BDP1: variants seen among roughly 807,000 people sequenced by gnomAD.
BDP1 encodes transcription factor TFIIIB component B'' homolog.
BDP1 carries 169 observed loss-of-function variants against 266.6 expected under a neutral mutation model. The ratio of observed to expected loss-of-function variants is 0.63; its 90% CI spans 0.56 to 0.72. The LOEUF is 0.72. Among genes scored for constraint, BDP1 ranks in the 30% least tolerant of loss-of-function variants. The probability of loss-of-function intolerance (pLI) is 0.00; values close to 1 mark genes in which losing one functional copy is unlikely to be tolerated. For missense variants in BDP1, 3,015 were observed against 3,053.8 expected, an observed-to-expected ratio of 0.99 and a Z score of 0.30; for synonymous variants, 1,090 against 1,022.4, an observed-to-expected ratio of 1.07 and a Z score of -1.26.
intron 16 of BDP1, among the ~76,000 whole-genome samples, chr5:71,508,902 T>C (rs539796994): frequency 5.3e-5 from 8 of 152,352 alleles, no homozygotes; most frequent in South Asian, 2.1e-4. Flanking sequence ...TCTTTACTTA[T>C]GTTATGAAAT....
chr5:71,548,822 C>A, intron 33 of BDP1, 77 bp downstream of exon 33: 1 of 1,051,258 alleles, frequency 9.5e-7, no homozygotes, highest in Non-Finnish European at 1.4e-6. Flanking sequence ...TATGGAAAAA[C>A]ATAAAACAGT....
intron 25 of BDP1, among the ~76,000 whole-genome samples, chr5:71,524,951 G>T (rs866881878): frequency 1.3e-5 from 2 of 151,344 alleles, no homozygotes; most frequent in Non-Finnish European, 2.9e-5. Flanking sequence ...AGGGTTGGGG[G>T]TAAGGTCACA....
At chr5:71,512,169 CTT>C (rs1764957482) in intron 17 of BDP1, 70 bp from the exon 18 acceptor site, 2 of 741,844 alleles carry the variant, frequency 2.7e-6, no homozygotes, top group Non-Finnish European at 4.0e-6. Flanking sequence ...ATTTAGTAGA[CTT>C]TTGTTTTAAA....
rs768443760 is a variant in BDP1, at chr5:71,511,072, G to A, written c.3980G>A (p.Ser1327Asn). The change falls in exon 17 of 39, where the codon AGT (serine) becomes AAT (asparagine). Residue 1327 changes from serine to asparagine, a missense_variant. By Grantham distance (46) the Ser-to-Asn change is conservative (BLOSUM62 1). Coordinates refer to ENST00000358731, the MANE Select transcript of BDP1 (RefSeq NM_018429.3). ...SPRENELEET[S>N]TSRQTDTHLM... The stretch of plus-strand genomic sequence containing the variant: ...AGGGAAAACGAGCTAGAGGAGACCA[G>A]TACCTCAAGACAAACTGACACACAT... 4 of 1,614,156 alleles carry A rather than the reference G, an allele frequency of 2.5e-6. No homozygotes were observed. In the South Asian group the frequency reaches 4.4e-5, roughly 18 times the overall value.
At position 71,455,951 on chromosome 5, in the gene BDP1, C is replaced by A. The variant is rs769001396; in HGVS notation, c.74C>A (p.Ser25Tyr). The change falls in exon 1 of 39, where the codon TCC (serine) becomes TAC (tyrosine). Residue 25 changes from serine to tyrosine, a missense_variant. Physicochemically the swap from Ser to Tyr is moderately radical, Grantham distance 144. Transcript: ENST00000358731. Reference protein sequence around the residue: ...PGVGARGSTASNPQRGRESPR... With the variant: ...PGVGARGSTAYNPQRGRESPR... ...GTAGGCGCCAGGGGCTCCACAGCTT[C>A]CAATCCCCAGCGTGGACGGGAGTCT... 4 of 1,612,892 alleles carry A rather than the reference C, an allele frequency of 2.5e-6. No individual in the cohort carries two copies.
intron 2 of BDP1, among the ~76,000 whole-genome samples, chr5:71,459,160 T>C (rs1292420667): frequency 6.6e-6 from 1 of 152,210 alleles, no homozygotes; most frequent in Non-Finnish European, 1.5e-5. Context: ...AAATAAACCT[T>C]CAGTCTGATT....
chr5:71,528,899 G>C (rs1034933860), intron 25 of BDP1, among the ~76,000 whole-genome samples: 1 of 152,156 alleles, frequency 6.6e-6, no homozygotes, highest in African/African-American at 2.4e-5. Context: ...TTTTCTTTAA[G>C]TGAAGGCAAA....
chr5:71,456,440 G>A (rs1761194476), intron 1 of BDP1, among the ~76,000 whole-genome samples: 1 of 152,218 alleles, frequency 6.6e-6, no homozygotes, highest in African/African-American at 2.4e-5. Context: ...GCAGGGAAGT[G>A]TTTTTGTCTT....
chr5:71,460,121 T>C (rs1761452697), intron 2 of BDP1, among the ~76,000 whole-genome samples: 1 of 152,240 alleles, frequency 6.6e-6, no homozygotes, highest in Non-Finnish European at 1.5e-5. Flanking sequence ...GGCTCACGCC[T>C]GTAATCCCAG....
intron 26 of BDP1, among the ~76,000 whole-genome samples, chr5:71,536,098 GTGGGCATTTTGGTCTTATTCC>G (rs1195220477): frequency 2.0e-5 from 3 of 152,144 alleles, no homozygotes; most frequent in Non-Finnish European, 1.5e-5. Context: ...AGAAGCGAGA[GTGGGCATTTTGGTCTTATTCC>G]TGATCTTAGG....
chr5:71,469,248 C>A (rs772997012), intron 6 of BDP1, among the ~76,000 whole-genome samples: 1 of 151,786 alleles, frequency 6.6e-6, no homozygotes, highest in Non-Finnish European at 1.5e-5. Flanking sequence ...AGGTGATTCT[C>A]CTTCCTCAGT....
At position 71,516,066 on chromosome 5, in the gene BDP1, A is replaced by G. The variant is rs1219073011; in HGVS notation, c.4655A>G (p.Asn1552Ser). 1.2e-6 allele frequency: 2 copies of G among 1,602,010 alleles called. No homozygotes were observed. Among genetic ancestry groups the G allele is most frequent in the Non-Finnish European group, 1.7e-6 (2 of 1,173,666 alleles). ...KNDSVVSVGTNNVNTFQQEMK... is the reference protein window; with the variant it reads ...KNDSVVSVGTSNVNTFQQEMK... ...CTCCCTGTCCCCTTGTTTAGGACTA[A>G]TAATGTAAACACTTTCCAGCAAGAA... Residue 1552 changes from asparagine (N) to serine (S), a missense_variant, in exon 21 of 39, where the codon AAT (asparagine) becomes AGT (serine). Asn to Ser is a conservative substitution (Grantham distance 46, BLOSUM62 1). This residue lies in a region of BDP1 where 2,383 missense variants were observed against 2,404.9 expected (regional missense o/e 0.99). Transcript: ENST00000358731.
chr5:71,543,464 G>T (rs1166257258), intron 30 of BDP1, among the ~76,000 whole-genome samples: 1 of 152,060 alleles, frequency 6.6e-6, no homozygotes, highest in Non-Finnish European at 1.5e-5. Flanking sequence ...GCCAGACGTG[G>T]TGGCACACAC....
intron 17 of BDP1, 97 bp from the exon 18 acceptor site, chr5:71,512,144 A>T: frequency 1.7e-6 from 1 of 583,274 alleles, no homozygotes; most frequent in Non-Finnish European, 2.7e-6. Flanking sequence ...AAAGTTTTAA[A>T]GGAAAGTGTT....
Position 71,470,404 on chromosome 5 carries a change from TG to T in BDP1, c.930del (p.Met310IlefsTer4), listed in dbSNP as rs567681041. 52 of 1,599,130 alleles carry T rather than the reference TG, an allele frequency of 3.3e-5. No individual in the cohort carries two copies. Among genetic ancestry groups the T allele is most frequent in the East Asian group, 4.5e-5 (2 of 44,792 alleles). ...SKPWSNKETD[M>X]FFLAISMVGT... ...TCTTTTATTTTCACAGAAACAGATA[TG>T]TTTTTTTTAGCCATCAGCATGGTAG... On this transcript the variant is annotated frameshift_variant, in exon 7 of 39. Coordinates refer to ENST00000358731, the MANE Select transcript of BDP1 (RefSeq NM_018429.3). LOFTEE classifies it high-confidence loss of function.
At chr5:71,543,102 C>CA (rs1767071307) in intron 30 of BDP1, among the ~76,000 whole-genome samples, 1 of 151,982 alleles carries the variant, frequency 6.6e-6, no homozygotes, top group Non-Finnish European at 1.5e-5. Context: ...GGCCACAAGG[C>CA]AAAATCCCAT....
intron 19 of BDP1, among the ~76,000 whole-genome samples, chr5:71,514,472 G>A (rs373702137): frequency 3.9e-5 from 6 of 151,902 alleles, no homozygotes; most frequent in East Asian, 3.9e-4. Flanking sequence ...ACACTTTTTC[G>A]TCTTACAGTT....
chr5:71,498,185 C>T (rs527480834), intron 13 of BDP1, among the ~76,000 whole-genome samples: 6 of 152,180 alleles, frequency 3.9e-5, no homozygotes, highest in African/African-American at 9.6e-5. Flanking sequence ...CTCCTGACCT[C>T]GTGATCTGCC....
At chr5:71,550,849 G>A (rs1036957964) in intron 34 of BDP1, among the ~76,000 whole-genome samples, 1 of 152,000 alleles carries the variant, frequency 6.6e-6, no homozygotes, top group African/African-American at 2.4e-5. Context: ...GGGACTATAG[G>A]TGCGTGCCAC....
Sources: allele counts gnomAD v4.1 joint callset (sites outside exome capture counted in the v4.1 genomes callset), GRCh38; gene constraint gnomAD v4.1.1; regional missense constraint gnomAD v4.1.1; transcripts MANE v1.5; gene names NCBI Gene and HGNC (gene_info 2026-07-23, HGNC 2026-07-21).